The following MFGE8 variants were observed in gnomAD, a reference collection of about 807,000 sequenced individuals.
MFGE8 encodes lactadherin.
MFGE8 carries 34 observed loss-of-function variants against 42.6 expected under a neutral mutation model. The ratio of observed to expected loss-of-function variants is 0.80; its 90% CI spans 0.61 to 1.06. The LOEUF is 1.06. Ranked by LOEUF, MFGE8 falls within the 50% of genes least tolerant of loss-of-function variation. The pLI is 0.00. For missense variants in MFGE8, 510 were observed against 516.9 expected (o/e 0.99, Z 0.13); for synonymous variants, 230 against 214.8 (o/e 1.07, Z -0.62).
At chr15:88,904,131 A>C (rs1258082103) in intron 5 of MFGE8, 1 of 152,280 alleles carries the variant, frequency 6.6e-6, no homozygotes, top group South Asian at 2.1e-4. Context: ...GCTCTCTGTC[A>C]TCTGCTCCTC....
In MFGE8 at chr15:88,913,236, G is replaced by T; in HGVS notation, c.73+11C>A. The T allele has an allele frequency of 6.7e-7, 1 of 1,502,448 alleles. No individual in the cohort carries two copies. 93.1% of individuals were successfully genotyped at this position (1,502,448 alleles called of 1,614,324 possible). ...AGGGGCGAGGGGCAGAGGGCGGCGC[G>T]ATCCACTCACCCAGGGCGACGAGGA... On this transcript the variant is annotated intron_variant, in intron 1 of 7. Transcript: ENST00000268150.
rs1274604659 is a variant in MFGE8, at chr15:88,902,521, C to T, written c.686-786G>A. On this transcript the variant is annotated intron_variant, in intron 5 of 7. Transcript: ENST00000268150. The surrounding 1 kb of genome is among the most constrained non-coding windows in gnomAD (Gnocchi z 4.3). The stretch of plus-strand genomic sequence containing the variant: ...CACAGGAACATCTCTATTTCCATTC[C>T]CCAGAAGCCCCCTGACTTAGTGTCT... The T allele has an allele frequency of 6.6e-6, 1 of 152,230 alleles. No homozygotes were observed. The highest frequency in any genetic ancestry group is 1.5e-5 in the Non-Finnish European group (1 of 68,070). The allele number at this position is 152,230 out of a possible 1,614,324, so 9.4% of individuals were successfully genotyped here.
intron 2 of MFGE8, among the ~76,000 whole-genome samples, chr15:88,907,707 C>T (rs1898759984): frequency 1.0e-4 from 2 of 19,806 alleles, no homozygotes; most frequent in South Asian, 1.0e-3. Context: ...AAAGTAGAGT[C>T]CCCCCCGCCA....
rs78013131 is a variant in MFGE8, at chr15:88,908,898, C to G, written c.205+894G>C. 0.011 allele frequency among the ~76,000 whole-genome samples: 1,659 copies of G among 152,298 alleles called. 64 individuals are homozygous for G. In the East Asian group the frequency reaches 0.15, roughly 14 times the overall value. On this transcript the variant is annotated intron_variant, in intron 2 of 7. Coordinates refer to ENST00000268150, the MANE Select transcript of MFGE8 (RefSeq NM_005928.4). ...TGCCACCCAGCTGGCTCAAGCCCCC[C>G]GCCCCCTCCTTCTGGAGGCCAGCAA...
At position 88,899,540 on chromosome 15, in the gene MFGE8, C is replaced by T; in HGVS notation, c.1027-8G>A. 3 of 1,614,176 alleles carry T rather than the reference C, an allele frequency of 1.9e-6. No individual in the cohort carries two copies. Among genetic ancestry groups the T allele is most frequent in the Non-Finnish European group, 2.5e-6 (3 of 1,180,028 alleles). ...CCAGTTGCCAGGGAAGATCTAGAGG[C>T]AGAGCGGGTGTCAGGAGGACCCCGA... On this transcript the variant is annotated splice_region_variant and splice_polypyrimidine_tract_variant and intron_variant, in intron 7 of 7. Transcript: ENST00000268150. The surrounding 1 kb of genome is among the most constrained non-coding windows in gnomAD (Gnocchi z 6.8).
chr15:88,910,878 C>T (rs775365142), intron 1 of MFGE8: 3 of 151,828 alleles, frequency 2.0e-5, no homozygotes, highest in African/African-American at 4.9e-5. Flanking sequence ...ACCCTCCTCA[C>T]CATTGTCCAC....
Position 88,905,445 on chromosome 15 carries a change from C to A in MFGE8, c.685+312G>T. ...CCTCGTAAAGCTGACATCTGCCAAA[C>A]ACACCTAACGCTACATGTTCTAGAA... On this transcript the variant is annotated intron_variant, in intron 5 of 7. Transcript: ENST00000268150. The surrounding 1 kb of genome is among the most constrained non-coding windows in gnomAD (Gnocchi z 6.6). The A allele has an allele frequency of 1.8e-6, 1 of 553,768 alleles. No homozygotes were observed. The highest frequency in any genetic ancestry group is 3.4e-6 in the Non-Finnish European group (1 of 291,260). The allele number at this position is 553,768 out of a possible 1,614,324, so 34.3% of individuals were successfully genotyped here. A position where few individuals can be genotyped will look rare whatever the true frequency, so the allele number is the denominator to read the frequency against.
chr15:88,901,175 TCACACATTCA>T lies in MFGE8; in HGVS notation c.870+366_870+375del, dbSNP rs1266325870. On this transcript the variant is annotated intron_variant, in intron 6 of 7. Coordinates refer to ENST00000268150, the MANE Select transcript of MFGE8 (RefSeq NM_005928.4). ...CTCACACACACATTCACACACATTC[TCACACATTCA>T]CACACACATTCACACATTCACACAC... is the stretch of plus-strand genomic sequence containing the variant. 1.6e-4 allele frequency among the ~76,000 whole-genome samples: 10 copies of T among 63,454 alleles called. 1 individual carries two copies. Among genetic ancestry groups the T allele is most frequent in the Non-Finnish European group, 2.4e-4 (6 of 25,056 alleles). 41.6% of individuals were successfully genotyped at this position (63,454 alleles called of 152,430 possible). A position where few individuals can be genotyped will look rare whatever the true frequency, so the allele number is the denominator to read the frequency against.
intron 1 of MFGE8, among the ~76,000 whole-genome samples, chr15:88,911,737 AAG>A (rs1328180613): frequency 7.3e-5 from 9 of 124,086 alleles, no homozygotes; most frequent in Admixed American, 1.5e-4. Flanking sequence ...AAAAAGAAAA[AAG>A]AAAAAAAAAA....
chr15:88,911,881 C>A (rs1455608307), intron 1 of MFGE8, among the ~76,000 whole-genome samples: 1 of 152,210 alleles, frequency 6.6e-6, no homozygotes, highest in African/African-American at 2.4e-5. Context: ...CAGAGCTCCC[C>A]CTCCAGGGGC....
intron 1 of MFGE8, chr15:88,910,175 G>A (rs1174708153): frequency 4.6e-6 from 2 of 438,942 alleles, no homozygotes; most frequent in Non-Finnish European, 8.5e-6. Flanking sequence ...GTCCAGAAAA[G>A]TGCTGGCTGA....
At chr15:88,908,540 G>A (rs982867349) in intron 2 of MFGE8, among the ~76,000 whole-genome samples, 22 of 152,266 alleles carry the variant, frequency 1.4e-4, no homozygotes, top group Middle Eastern at 3.4e-3. Flanking sequence ...GGCTTCCTCC[G>A]CTGTGTGGTC....
rs141270086 is a variant in MFGE8, at chr15:88,909,466, G to C, written c.205+326C>G. On this transcript the variant is annotated intron_variant, in intron 2 of 7. Transcript: ENST00000268150. The stretch of plus-strand genomic sequence containing the variant: ...AACTTAACCCTAATGCTGTGTGTCT[G>C]GCTCATGGTGACTCAAGAAACAGCA... 1.9e-3 allele frequency among the ~76,000 whole-genome samples: 285 copies of C among 152,348 alleles called. 1 individual carries two copies. Among genetic ancestry groups the C allele is most frequent in the African/African-American group, 6.5e-3 (271 of 41,570 alleles).
intron 1 of MFGE8, chr15:88,911,999 G>C (rs1412761495): frequency 3.0e-6 from 2 of 672,784 alleles, no homozygotes; most frequent in Non-Finnish European, 4.6e-6. Flanking sequence ...CACAGACAGA[G>C]GCTTGGGTTG....
chr15:88,904,530 C>T (rs991195245), intron 5 of MFGE8: 2 of 152,298 alleles, frequency 1.3e-5, no homozygotes, highest in Non-Finnish European at 2.9e-5. Flanking sequence ...ATACAGGCAA[C>T]TTTAATGGCC....
chr15:88,901,846 T>C, intron 5 of MFGE8, 111 bp from the exon 6 acceptor site: 13 of 1,082,792 alleles, frequency 1.2e-5, no homozygotes, highest in Non-Finnish European at 1.8e-5. Context: ...GCCCCTGTCA[T>C]GCTCTTGGGC....
In MFGE8 at chr15:88,902,604, G is replaced by C. The variant is rs1898485350; in HGVS notation, c.686-869C>G. On this transcript the variant is annotated intron_variant, in intron 5 of 7. Coordinates refer to ENST00000268150, the MANE Select transcript of MFGE8 (RefSeq NM_005928.4). This position sits in a 1 kb window ranked among gnomAD's most constrained non-coding sequence, Gnocchi z 4.3. ...GGGATGCTGTCACACAGGCCTGTGA[G>C]GGCTGGCCCGGGAAGCTGGCCTTTG... is the stretch of plus-strand genomic sequence containing the variant. 6.6e-6 allele frequency: 1 copy of C among 152,316 alleles called. No homozygotes were observed. The highest frequency in any genetic ancestry group is 6.5e-5 in the Admixed American group (1 of 15,292). 9.4% of individuals were successfully genotyped at this position (152,316 alleles called of 1,614,324 possible). A position where few individuals can be genotyped will look rare whatever the true frequency, so the allele number is the denominator to read the frequency against.
At chr15:88,904,130 C>T (rs1362393361) in intron 5 of MFGE8, 2 of 152,296 alleles carry the variant, frequency 1.3e-5, no homozygotes, top group African/African-American at 4.8e-5. Flanking sequence ...TGCTCTCTGT[C>T]ATCTGCTCCT....
At position 88,899,546 on chromosome 15, in the gene MFGE8, G is replaced by A. The variant is rs202038000; in HGVS notation, c.1027-14C>T. 15 of 1,614,038 alleles carry A rather than the reference G, an allele frequency of 9.3e-6. No homozygotes were observed. The highest frequency in any genetic ancestry group is 2.2e-5 in the South Asian group (2 of 91,082). On this transcript the variant is annotated splice_polypyrimidine_tract_variant and intron_variant, in intron 7 of 7. Coordinates refer to ENST00000268150, the MANE Select transcript of MFGE8 (RefSeq NM_005928.4). This position sits in a 1 kb window ranked among gnomAD's most constrained non-coding sequence, Gnocchi z 6.8. ...GCCAGGGAAGATCTAGAGGCAGAGCGGGTGTCAGGAGGACCCCGAGCCAGC... is the reference window on the plus strand; with the variant it reads ...GCCAGGGAAGATCTAGAGGCAGAGCAGGTGTCAGGAGGACCCCGAGCCAGC...
Sources: gnomAD v4.1 joint callset for allele counts (sites outside exome capture counted in the v4.1 genomes callset) on GRCh38, gnomAD v4.1.1 for gene constraint, Gnocchi (gnomAD v3.1) non-coding constraint, MANE v1.5 for transcripts, NCBI Gene and HGNC (gene_info 2026-07-23, HGNC 2026-07-21) for gene names.